Variants in SLC39A9 observed in about 807,000 individuals in gnomAD.
SLC39A9 encodes the protein solute carrier family 39 member 9.
SLC39A9 carries 14 observed loss-of-function variants against 28.4 expected under a neutral mutation model. That is an observed-to-expected ratio of 0.49 (90% CI 0.33 to 0.77). The LOEUF is 0.77. Ranked by LOEUF, SLC39A9 falls within the 30% of genes least tolerant of loss-of-function variation. SLC39A9 has a pLI of 0.02. For synonymous variants in SLC39A9, 119 were observed against 149.6 expected (o/e 0.80, Z 1.49); for missense variants, 283 against 381.1 (o/e 0.74, Z 2.14).
chr14:69,405,363 C>G (rs1291531970), intron 1 of SLC39A9, among the ~76,000 whole-genome samples: 1 of 152,210 alleles, frequency 6.6e-6, no homozygotes, highest in Non-Finnish European at 1.5e-5. Context: ...AACAATGTTA[C>G]ATTTTTAAGG....
intron 1 of SLC39A9, among the ~76,000 whole-genome samples, chr14:69,412,435 A>AAATAAATAAATG (rs1465774991): frequency 2.0e-5 from 3 of 148,018 alleles, no homozygotes; most frequent in Non-Finnish European, 3.0e-5. Context: ...ATAAATAAAT[A>AAATAAATAAATG]AATGTATCTG....
At chr14:69,436,113 A>G (rs1884736007) in intron 2 of SLC39A9, among the ~76,000 whole-genome samples, 1 of 151,426 alleles carries the variant, frequency 6.6e-6, no homozygotes, top group Non-Finnish European at 1.5e-5. Context: ...AGGAATTTTT[A>G]CCTTTCGGCC....
At chr14:69,418,398 C>T (rs146516803) in intron 1 of SLC39A9, among the ~76,000 whole-genome samples, 101 of 151,772 alleles carry the variant, frequency 6.7e-4, no homozygotes, top group African/African-American at 2.3e-3. Flanking sequence ...ATTTTTGCAT[C>T]GATGTTCATC....
At chr14:69,411,149 T>G (rs1883238728) in intron 1 of SLC39A9, among the ~76,000 whole-genome samples, 1 of 144,120 alleles carries the variant, frequency 6.9e-6, no homozygotes, top group African/African-American at 2.6e-5. Context: ...AAGGTAGAGG[T>G]CGCAGTAAGC....
chr14:69,430,628 C>CTTTTTTTTTT (rs71446389), intron 2 of SLC39A9, among the ~76,000 whole-genome samples: 5 of 137,748 alleles, frequency 3.6e-5, no homozygotes, highest in African/African-American at 5.4e-5. Context: ...ATTTTTCTTT[C>CTTTTTTTTTT]TTTTTTTTTT....
intron 2 of SLC39A9, among the ~76,000 whole-genome samples, chr14:69,436,371 C>A (rs975464018): frequency 6.6e-6 from 1 of 152,082 alleles, no homozygotes; most frequent in Non-Finnish European, 1.5e-5. Flanking sequence ...TTGTCTTTTC[C>A]CTCGGTAATT....
Position 69,459,124 on chromosome 14 carries a change from A to G in SLC39A9, c.*531A>G, listed in dbSNP as rs992707505. 34 of 986,122 alleles carry G rather than the reference A, an allele frequency of 3.4e-5. No individual in the cohort carries two copies. The highest frequency in any genetic ancestry group is 4.0e-5 in the Non-Finnish European group (33 of 830,242). 61.1% of individuals were successfully genotyped at this position (986,122 alleles called of 1,614,324 possible). On this transcript the variant is annotated 3_prime_UTR_variant, in exon 7 of 7. Coordinates refer to ENST00000336643, the MANE Select transcript of SLC39A9 (RefSeq NM_018375.5). ...TAGATGCTAAAGGTGATTCTAGTTA[A>G]TCTGGGATTAGGGTCAGGAAAATGA...
intron 3 of SLC39A9, among the ~76,000 whole-genome samples, chr14:69,450,851 C>T (rs1167722781): frequency 6.6e-6 from 1 of 152,104 alleles, no homozygotes; most frequent in Admixed American, 6.6e-5. Flanking sequence ...GCTTGTGTTC[C>T]ATTATTCTTC....
At chr14:69,399,508 G>A in intron 1 of SLC39A9, 43 bp downstream of exon 1, 1 of 1,537,628 alleles carries the variant, frequency 6.5e-7, no homozygotes, top group Non-Finnish European at 9.0e-7. Context: ...GGATGGCTGT[G>A]AGATAGTAGT....
chr14:69,425,814 T>G (rs1032217062), intron 2 of SLC39A9, among the ~76,000 whole-genome samples: 2 of 152,056 alleles, frequency 1.3e-5, no homozygotes, highest in Admixed American at 6.6e-5. Context: ...AGATGCACAC[T>G]GCTATGCCTG....
rs1452146075 is a variant in SLC39A9 at position 69,461,274 on chromosome 14, T to C, written c.*2681T>C. 1 of 994,026 alleles carries C rather than the reference T, an allele frequency of 1.0e-6. No homozygotes were observed. Among genetic ancestry groups the C allele is most frequent in the Non-Finnish European group, 1.2e-6 (1 of 835,388 alleles). 61.6% of individuals were successfully genotyped at this position (994,026 alleles called of 1,614,324 possible). On this transcript the variant is annotated 3_prime_UTR_variant, in exon 7 of 7. Transcript: ENST00000336643. The stretch of plus-strand genomic sequence containing the variant: ...GACTTTCTTCAGATTCCAAGTGCTC[T>C]CTTAAATGGCAAATTAAGTTAAAGA...
intron 3 of SLC39A9, among the ~76,000 whole-genome samples, chr14:69,447,697 A>G (rs920067540): frequency 6.6e-6 from 1 of 151,958 alleles, no homozygotes; most frequent in African/African-American, 2.4e-5. Context: ...GGATGGCTTG[A>G]GCCCAGAAGT....
chr14:69,398,918 T>TG lies in SLC39A9; in HGVS notation c.-446dup, dbSNP rs931646309. ...GGACTGGTGGGCTGGTTTCCTGCTC[T>TG]GGGGGGCGGATCACCTTCGGGGCCG... is the stretch of plus-strand genomic sequence containing the variant. On this transcript the variant is annotated 5_prime_UTR_variant, in exon 1 of 7. Transcript: ENST00000336643. 8.0e-5 allele frequency: 16 copies of TG among 199,064 alleles called. No homozygotes were observed. Among genetic ancestry groups the TG allele is most frequent in the African/African-American group, 3.4e-4 (14 of 41,676 alleles). The allele number at this position is 199,064 out of a possible 1,614,324, so 12.3% of individuals were successfully genotyped here.
At chr14:69,429,333 A>G (rs773352532) in intron 2 of SLC39A9, 7 of 151,762 alleles carry the variant, frequency 4.6e-5, no homozygotes, top group Non-Finnish European at 1.0e-4. Context: ...TATTCTGTGT[A>G]TCAATAGTTT....
intron 6 of SLC39A9, among the ~76,000 whole-genome samples, chr14:69,456,242 G>A (rs751421270): frequency 1.3e-5 from 2 of 152,186 alleles, no homozygotes; most frequent in Non-Finnish European, 2.9e-5. Context: ...AAGCCACATA[G>A]CCGCTTTGAG....
chr14:69,421,011 A>G (rs950601260), intron 1 of SLC39A9, among the ~76,000 whole-genome samples: 1 of 152,204 alleles, frequency 6.6e-6, no homozygotes, highest in African/African-American at 2.4e-5. Flanking sequence ...TGTCAAAGGA[A>G]TTTCCATCCA....
intron 1 of SLC39A9, 122 bp from the exon 2 acceptor site, chr14:69,423,972 C>T: frequency 1.7e-6 from 1 of 604,078 alleles, no homozygotes; most frequent in Non-Finnish European, 3.0e-6. Context: ...TTCATCTTCG[C>T]TGTCTATTGT....
At chr14:69,433,287 C>T (rs1293454684) in intron 2 of SLC39A9, among the ~76,000 whole-genome samples, 3 of 152,118 alleles carry the variant, frequency 2.0e-5, no homozygotes, top group Non-Finnish European at 4.4e-5. Context: ...CATATACCCA[C>T]CTCCTAGTTA....
rs61982388 is a variant in SLC39A9 at position 69,402,729 on chromosome 14, A to G, written c.96+3264A>G. ...TTCTCAAATGCAATTATAAGTAACT[A>G]TGATAATCAGGATGTAAATTTTTTC... On this transcript the variant is annotated intron_variant, in intron 1 of 6. Transcript: ENST00000336643. Among the ~76,000 whole-genome samples the G allele has an allele frequency of 9.1e-3, 1,387 of 152,334 alleles. 13 individuals are homozygous for G. The highest frequency in any genetic ancestry group is 0.014 in the Non-Finnish European group (944 of 68,026).
Sources: gnomAD v4.1 joint callset for allele counts (sites outside exome capture counted in the v4.1 genomes callset) on GRCh38, gnomAD v4.1.1 for gene constraint, MANE v1.5 for transcripts, NCBI Gene and HGNC (gene_info 2026-07-23, HGNC 2026-07-21) for gene names.